Variants in PDE8B observed in about 807,000 individuals in gnomAD.
PDE8B encodes the protein high affinity cAMP-specific and IBMX-insensitive 3',5'-cyclic phosphodiesterase 8B.
A neutral mutation model predicts 101.3 loss-of-function variants in PDE8B; 26 were observed. That is an observed-to-expected ratio of 0.26 (90% CI 0.19 to 0.36). The LOEUF is 0.36. PDE8B is among the 10% of genes least tolerant of loss of function. The pLI is 1.00. For missense variants in PDE8B, 810 were observed against 1,163.1 expected (o/e 0.70, Z 4.42); for synonymous variants, 424 against 429.3 (o/e 0.99, Z 0.15).
intron 2 of PDE8B, among the ~76,000 whole-genome samples, chr5:77,317,518 T>C (rs2150164376): frequency 6.6e-6 from 1 of 152,286 alleles, no homozygotes; most frequent in Middle Eastern, 3.4e-3. Context: ...TGGAATGGAT[T>C]GGAAGTGCAG....
intron 1 of PDE8B, among the ~76,000 whole-genome samples, chr5:77,256,968 G>T (rs903983564): frequency 6.6e-6 from 1 of 152,080 alleles, no homozygotes; most frequent in Admixed American, 6.6e-5. Context: ...ATCCCTACTA[G>T]GTTCCAGGCA....
At chr5:77,240,216 C>G (rs539466134) in intron 1 of PDE8B, among the ~76,000 whole-genome samples, 1 of 152,066 alleles carries the variant, frequency 6.6e-6, no homozygotes, top group Non-Finnish European at 1.5e-5. Context: ...TGCGGTGGCG[C>G]GATCCCGGCT....
upstream of PDE8B, among the ~76,000 whole-genome samples, chr5:77,205,980 C>A (rs1259484613): frequency 6.6e-6 from 1 of 152,094 alleles, no homozygotes; most frequent in African/African-American, 2.4e-5. Context: ...ATTATTCTGG[C>A]TTTTTCTGAT....
chr5:77,208,877 A>G (rs1747730994), upstream of PDE8B, among the ~76,000 whole-genome samples: 1 of 152,128 alleles, frequency 6.6e-6, no homozygotes, highest in Admixed American at 6.5e-5. Context: ...CCCAGCCCCA[A>G]CTCAGAACAA....
At chr5:77,097,693 CTATATATATATATCTATATA>C in the PDE8B span, among the ~76,000 whole-genome samples, 2 of 30,218 alleles carry the variant, frequency 6.6e-5, no homozygotes, top group African/African-American at 2.1e-4. Flanking sequence ...TTTTATATAT[CTATATATATATATCTATATA>C]TATATATATA....
At position 77,210,840 on chromosome 5, in the gene PDE8B, CG is replaced by C; in HGVS notation, c.-85del. On this transcript the variant is annotated 5_prime_UTR_variant, in exon 1 of 22. Transcript: ENST00000264917. The surrounding 1 kb of genome is among the most constrained non-coding windows in gnomAD (Gnocchi z 4.9). The stretch of plus-strand genomic sequence containing the variant: ...CGCGCAGTCCGGGCGCCGCCGCGGC[CG>C]CCCCCTCACTGCAGGTGGCAGCGGG... 1.9e-6 allele frequency: 2 copies of C among 1,031,096 alleles called. No homozygotes were observed. Among genetic ancestry groups the C allele is most frequent in the Non-Finnish European group, 2.3e-6 (2 of 861,372 alleles). 63.9% of individuals were successfully genotyped at this position (1,031,096 alleles called of 1,614,324 possible).
intron 20 of PDE8B, among the ~76,000 whole-genome samples, chr5:77,424,061 A>AG (rs1477662141): frequency 6.6e-6 from 1 of 152,186 alleles, no homozygotes; most frequent in East Asian, 1.9e-4. Context: ...GAAGAAAAGT[A>AG]GGACAGGTAG....
intron 1 of PDE8B, among the ~76,000 whole-genome samples, chr5:77,239,591 T>C (rs1368194561): frequency 1.3e-5 from 2 of 152,242 alleles, no homozygotes; most frequent in African/African-American, 4.8e-5. Context: ...TTCTCTCCTT[T>C]ACTGGATAAT....
chr5:77,292,211 T>C (rs1003674279), intron 1 of PDE8B, among the ~76,000 whole-genome samples: 9 of 152,098 alleles, frequency 5.9e-5, no homozygotes, highest in African/African-American at 2.2e-4. Flanking sequence ...CTGGGGTGCA[T>C]CTTGTCACAG....
intron 13 of PDE8B, 24 bp downstream of exon 13, chr5:77,407,481 C>A: frequency 6.4e-7 from 1 of 1,554,924 alleles, no homozygotes; most frequent in Non-Finnish European, 8.9e-7. Flanking sequence ...GCTGCCTGCA[C>A]TCTGCAGTCA....
the PDE8B span, chr5:77,087,500 G>A: frequency 6.6e-6 from 1 of 152,252 alleles, no homozygotes; most frequent in Non-Finnish European, 1.5e-5. Context: ...GTAGGCGCAT[G>A]ATGTCACAAG....
At chr5:77,324,675 A>G (rs1337439961) in intron 2 of PDE8B, among the ~76,000 whole-genome samples, 2 of 152,176 alleles carry the variant, frequency 1.3e-5, no homozygotes, top group Non-Finnish European at 2.9e-5. Flanking sequence ...CAAAGATTGG[A>G]TGTTAAAATT....
intron 1 of PDE8B, among the ~76,000 whole-genome samples, chr5:77,273,801 G>A (rs566370598): frequency 6.7e-6 from 1 of 148,296 alleles, no homozygotes; most frequent in African/African-American, 2.5e-5. Context: ...AGTTCCATCT[G>A]TTTTTTTTTT....
intron 19 of PDE8B, 82 bp from the exon 20 acceptor site, chr5:77,421,739 A>G (rs1323755518): frequency 3.0e-6 from 4 of 1,348,816 alleles, no homozygotes; most frequent in Non-Finnish European, 4.2e-6. Flanking sequence ...CTCGGTGATC[A>G]CCATCGAATG....
chr5:77,426,284 T>C, intron 21 of PDE8B, 161 bp from the exon 22 acceptor site: 1 of 668,088 alleles, frequency 1.5e-6, no homozygotes, highest in South Asian at 1.7e-5. Flanking sequence ...AGGACCTGTT[T>C]GCATTTCAGA....
At chr5:77,327,276 C>A (rs1457899023) in intron 3 of PDE8B, among the ~76,000 whole-genome samples, 3 of 152,216 alleles carry the variant, frequency 2.0e-5, no homozygotes, top group Non-Finnish European at 4.4e-5. Flanking sequence ...CTCAGCCCCA[C>A]CTTCTCCTTA....
chr5:77,196,601 A>G, the PDE8B span, among the ~76,000 whole-genome samples: 2 of 152,230 alleles, frequency 1.3e-5, no homozygotes, highest in African/African-American at 4.8e-5. Flanking sequence ...CAATTGTGTT[A>G]AAGATTTTTG....
At chr5:77,126,376 A>G in the PDE8B span, among the ~76,000 whole-genome samples, 2 of 152,232 alleles carry the variant, frequency 1.3e-5, no homozygotes, top group Non-Finnish European at 2.9e-5. Context: ...CAAAAATTGA[A>G]GAGCTTGATG....
chr5:77,180,867 G>T, the PDE8B span, among the ~76,000 whole-genome samples: 41,206 of 152,040 alleles, frequency 0.27, 7,562 homozygotes, highest in East Asian at 0.81. Flanking sequence ...GGCGCGGGAC[G>T]GTGGGGCCCC....
Sources: gnomAD v4.1 joint callset for allele counts (sites outside exome capture counted in the v4.1 genomes callset) on GRCh38, gnomAD v4.1.1 for gene constraint, Gnocchi (gnomAD v3.1) non-coding constraint, MANE v1.5 for transcripts, NCBI Gene and HGNC (gene_info 2026-07-23, HGNC 2026-07-21) for gene names.